LAMC3: variants seen among roughly 807,000 people sequenced by gnomAD.
LAMC3 encodes the protein laminin subunit gamma-3.
In LAMC3, 128 loss-of-function variants were observed where a neutral mutation model predicts 173.8. The observed-to-expected ratio is 0.74, with a 90% confidence interval of 0.64 to 0.85. The LOEUF (loss-of-function observed/expected upper bound fraction) is 0.85. LAMC3 is among the 40% of genes least tolerant of loss of function. LAMC3 has a pLI of 0.00. For missense variants in LAMC3, 2,022 were observed against 2,156.0 expected (o/e 0.94, Z 1.23); for synonymous variants, 897 against 909.1 (o/e 0.99, Z 0.24).
Position 131,090,876 on chromosome 9 carries a change from A to C in LAMC3, c.4478-661A>C, listed in dbSNP as rs545729021. The stretch of plus-strand genomic sequence containing the variant: ...ACCCTGTCTCTACTAAAAATACAAA[A>C]AAATTAGCGGAGCATGGTGGCAGGC... On this transcript the variant is annotated intron_variant, in intron 27 of 27. Coordinates refer to ENST00000361069, the MANE Select transcript of LAMC3 (RefSeq NM_006059.4). Among the ~76,000 whole-genome samples the C allele has an allele frequency of 2.6e-5, 4 of 152,290 alleles. No individual in the cohort carries two copies. In the East Asian group the frequency reaches 7.7e-4, roughly 29 times the overall value.
chr9:131,075,788 C>T (rs1434188180), intron 20 of LAMC3, 43 bp from the exon 21 acceptor site: 1 of 1,584,560 alleles, frequency 6.3e-7, no homozygotes, highest in African/African-American at 1.3e-5. Flanking sequence ...GGGCCCCTTC[C>T]CTGCGAGCCC....
chr9:131,091,428 C>T (rs1830422521), intron 27 of LAMC3, 109 bp from the exon 28 acceptor site: 1 of 1,411,616 alleles, frequency 7.1e-7, no homozygotes, highest in Non-Finnish European at 9.7e-7. Context: ...GATGGTGGGC[C>T]ATTGGAATCC....
intron 6 of LAMC3, among the ~76,000 whole-genome samples, chr9:131,040,114 C>T (rs1308005261): frequency 1.3e-5 from 2 of 150,940 alleles, no homozygotes; most frequent in Non-Finnish European, 2.9e-5. Context: ...TCCCCGGTTC[C>T]AGCAATTCTC....
At chr9:131,072,976 A>T (rs544029929) in intron 19 of LAMC3, 141 bp downstream of exon 19, 3 of 828,848 alleles carry the variant, frequency 3.6e-6, no homozygotes, top group South Asian at 1.5e-5. Context: ...GGGATCACAC[A>T]GTGCCTCCTC....
chr9:131,059,203 TAAAA>T (rs907815893), intron 12 of LAMC3, among the ~76,000 whole-genome samples: 6 of 89,254 alleles, frequency 6.7e-5, no homozygotes, highest in African/African-American at 2.7e-4. Context: ...CTCAAAAAAA[TAAAA>T]AAAGGCCGGG....
chr9:131,039,264 G>C lies in LAMC3; in HGVS notation c.1283+16G>C. ...GAGGCTGCAGGTGAGGGCGAGGGGCGGCCCAGTATGGACACATTGCACTGA... is the reference window on the plus strand; with the variant it reads ...GAGGCTGCAGGTGAGGGCGAGGGGCCGCCCAGTATGGACACATTGCACTGA... On this transcript the variant is annotated intron_variant, in intron 6 of 27. Transcript: ENST00000361069. 1 of 1,583,576 alleles carries C rather than the reference G, an allele frequency of 6.3e-7. No individual in the cohort carries two copies.
At chr9:131,079,866 C>A (rs557774491) in intron 23 of LAMC3, among the ~76,000 whole-genome samples, 1 of 152,268 alleles carries the variant, frequency 6.6e-6, no homozygotes, top group East Asian at 1.9e-4. Context: ...ATCCTGGGAT[C>A]ATTCTCTCTC....
chr9:131,067,753 G>A (rs554039630), intron 14 of LAMC3, among the ~76,000 whole-genome samples: 2 of 149,664 alleles, frequency 1.3e-5, no homozygotes, highest in East Asian at 2.0e-4. Context: ...ACAGGGTCAC[G>A]GGACCCAGAG....
rs371536099 is a variant in LAMC3, at chr9:131,072,867, C to A, written c.3417+32C>A. The stretch of plus-strand genomic sequence containing the variant: ...CAGGGGACCCCCCTACCCGAACACA[C>A]CAAACCTGGGCATTGGTCCCTGCCC... On this transcript the variant is annotated intron_variant, in intron 19 of 27. Transcript: ENST00000361069. 295 of 1,585,532 alleles carry A rather than the reference C, an allele frequency of 1.9e-4. 3 individuals carry two copies. In the South Asian group the frequency reaches 2.5e-3, roughly 13 times the overall value.
chr9:131,046,210 G>A (rs1194159638), intron 8 of LAMC3, among the ~76,000 whole-genome samples: 1 of 32,188 alleles, frequency 3.1e-5, no homozygotes, highest in East Asian at 1.1e-3. Flanking sequence ...TTTTTTTTTT[G>A]GACACAGGGT....
intron 13 of LAMC3, among the ~76,000 whole-genome samples, chr9:131,061,942 TC>T (rs1236657195): frequency 2.0e-5 from 3 of 152,084 alleles, no homozygotes; most frequent in Non-Finnish European, 4.4e-5. Flanking sequence ...TCCCAGATAC[TC>T]TGGAGGCTGA....
chr9:131,028,222 A>AT (rs1362074667), intron 2 of LAMC3, among the ~76,000 whole-genome samples: 19 of 152,302 alleles, frequency 1.2e-4, no homozygotes, highest in African/African-American at 4.6e-4. Flanking sequence ...TGATGGTCTG[A>AT]GGTGGAACAG....
intron 1 of LAMC3, among the ~76,000 whole-genome samples, chr9:131,017,823 C>T (rs887952374): frequency 1.3e-5 from 2 of 150,654 alleles, no homozygotes; most frequent in South Asian, 2.1e-4. Flanking sequence ...GTCAAGAGTT[C>T]GAGACCAGCC....
Position 131,069,752 on chromosome 9 carries a change from G to A in LAMC3, c.2971G>A (p.Gly991Ser). 6.3e-7 allele frequency: 1 copy of A among 1,598,942 alleles called. No homozygotes were observed. The highest frequency in any genetic ancestry group is 1.1e-5 in the South Asian group (1 of 88,460). The change falls in exon 17 of 28, where the codon GGC becomes AGC. Residue 991 changes from glycine (G) to serine (S), a missense_variant. Transcript: ENST00000361069. ...ATGCGTGTGCAGGCCTGGCTTCGAG[G>A]GCTACAAATGTGACCGCTGCCACGA... Reference protein sequence around the residue: ...GTCVCRPGFEGYKCDRCHDNF... With the variant: ...GTCVCRPGFESYKCDRCHDNF...
chr9:131,024,394 C>T (rs996288245), intron 1 of LAMC3, among the ~76,000 whole-genome samples: 3 of 152,172 alleles, frequency 2.0e-5, no homozygotes, highest in Non-Finnish European at 4.4e-5. Flanking sequence ...GATCCACCCG[C>T]TTCGGCCTCC....
chr9:131,026,540 T>C lies in LAMC3; in HGVS notation c.629T>C (p.Leu210Pro), dbSNP rs745989172. The change falls in exon 2 of 28, where the codon CTG becomes CCG. Residue 210 changes from leucine (L) to proline (P), a missense_variant. Leu to Pro is a moderately conservative substitution (Grantham distance 98). Transcript: ENST00000361069. The surrounding 1 kb of genome is among the most constrained non-coding windows in gnomAD (Gnocchi z 4.8). ...GGCGGCAACGTGGCCTTCTCCACCC[T>C]GGAGGGCCGGCCCAGCGCCTACAAC... Reference protein sequence around the residue: ...LSGGNVAFSTLEGRPSAYNFE... With the variant: ...LSGGNVAFSTPEGRPSAYNFE... 1.9e-6 allele frequency: 3 copies of C among 1,610,188 alleles called. No homozygotes were observed. In the South Asian group the frequency reaches 3.3e-5, roughly 18 times the overall value.
chr9:131,078,601 G>A (rs757889131), intron 22 of LAMC3, among the ~76,000 whole-genome samples: 6 of 152,214 alleles, frequency 3.9e-5, no homozygotes, highest in Admixed American at 6.5e-5. Flanking sequence ...CTCCCACTGC[G>A]TGCGGAGAGT....
At chr9:131,061,937 G>C (rs778657205) in intron 13 of LAMC3, among the ~76,000 whole-genome samples, 2 of 152,188 alleles carry the variant, frequency 1.3e-5, no homozygotes, top group Non-Finnish European at 2.9e-5. Context: ...TGTGGTCCCA[G>C]ATACTCTGGA....
At chr9:131,067,236 C>T (rs747993918) in intron 14 of LAMC3, 31 bp downstream of exon 14, 15 of 1,611,250 alleles carry the variant, frequency 9.3e-6, no homozygotes, top group Middle Eastern at 1.7e-4. Context: ...CCCAGGGTGG[C>T]ACATGGTGGG....
Sources: allele counts gnomAD v4.1 joint callset (sites outside exome capture counted in the v4.1 genomes callset), GRCh38; gene constraint gnomAD v4.1.1; non-coding constraint Gnocchi (gnomAD v3.1); transcripts MANE v1.5; gene names NCBI Gene and HGNC (gene_info 2026-07-23, HGNC 2026-07-21).